Variants in POLA2 observed in about 807,000 individuals in gnomAD.
POLA2 encodes the protein DNA polymerase alpha subunit B.
A neutral mutation model predicts 82.8 loss-of-function variants in POLA2; 47 were observed. The ratio of observed to expected loss-of-function variants is 0.57; its 90% CI spans 0.45 to 0.72. The LOEUF (loss-of-function observed/expected upper bound fraction) is 0.72. POLA2 is among the 30% of genes least tolerant of loss of function. POLA2 has a pLI of 0.00. For synonymous variants in POLA2, 287 were observed against 286.8 expected (o/e 1.00, Z -0.01); for missense variants, 634 against 728.1 (o/e 0.87, Z 1.49).
chr11:65,267,579 C>T lies in POLA2; in HGVS notation c.296+11C>T, dbSNP rs1426797439. 6.5e-7 allele frequency: 1 copy of T among 1,540,944 alleles called. No individual in the cohort carries two copies. Among genetic ancestry groups the T allele is most frequent in the Non-Finnish European group, 8.9e-7 (1 of 1,118,740 alleles). On this transcript the variant is annotated intron_variant, in intron 3 of 17. Coordinates refer to ENST00000265465, the MANE Select transcript of POLA2 (RefSeq NM_002689.4). ...TTCCATTCAAGAGCTGTATCCTTTT[C>T]TGCTGAAGGTCTTTGCACCAAGCTA...
intron 16 of POLA2, 24 bp from the exon 17 acceptor site, chr11:65,295,840 G>A (rs760630605): frequency 6.2e-7 from 1 of 1,600,830 alleles, no homozygotes; most frequent in Admixed American, 1.7e-5. Flanking sequence ...AGCTAGTGCT[G>A]ACAATTTCTC....
rs11227167 is a variant in POLA2 at position 65,268,363 on chromosome 11, T to A, written c.297-309T>A. 5.5e-3 allele frequency among the ~76,000 whole-genome samples: 829 copies of A among 151,588 alleles called. 2 individuals are homozygous for A. Among genetic ancestry groups the A allele is most frequent in the Non-Finnish European group, 9.0e-3 (608 of 67,860 alleles). ...GTTTATTATTATTATTATTATTTTT[T>A]TTTTTTGAGATGGAGTCTCGCTGTG... On this transcript the variant is annotated intron_variant, in intron 3 of 17. Coordinates refer to ENST00000265465, the MANE Select transcript of POLA2 (RefSeq NM_002689.4).
Position 65,287,707 on chromosome 11 carries a change from C to G in POLA2, c.1007-9C>G. The G allele has an allele frequency of 6.2e-7, 1 of 1,610,914 alleles. No individual in the cohort carries two copies. ...CTCTTCTAATCAAGACCTATAACCT[C>G]TGTCTTAGACTTTGAGCAAAGCATG... On this transcript the variant is annotated splice_polypyrimidine_tract_variant and intron_variant, in intron 10 of 17. Transcript: ENST00000265465.
chr11:65,287,456 C>G, intron 10 of POLA2: 1 of 284,640 alleles, frequency 3.5e-6, no homozygotes, highest in Admixed American at 5.1e-5. Context: ...CCACTTTCCT[C>G]GAATCTTTCA....
intron 13 of POLA2, among the ~76,000 whole-genome samples, chr11:65,291,095 CTG>C (rs747498932): frequency 2.6e-5 from 4 of 152,244 alleles, no homozygotes; most frequent in Non-Finnish European, 5.9e-5. Flanking sequence ...ATTCAGAAAT[CTG>C]ACATCCTCCA....
intron 13 of POLA2, 126 bp from the exon 14 acceptor site, chr11:65,294,027 G>A: frequency 1.3e-6 from 1 of 797,352 alleles, no homozygotes; most frequent in South Asian, 1.3e-5. Context: ...ACAGAGTGCA[G>A]TTCTGAGCTG....
intron 1 of POLA2, among the ~76,000 whole-genome samples, chr11:65,262,855 G>A (rs576752264): frequency 6.6e-6 from 1 of 152,118 alleles, no homozygotes; most frequent in Non-Finnish European, 1.5e-5. Context: ...CCTTGAGGTA[G>A]GTTCCTAAAA....
At chr11:65,275,167 T>C (rs632271) in intron 4 of POLA2, among the ~76,000 whole-genome samples, 3,714 of 152,252 alleles carry the variant, frequency 0.024, 112 homozygotes, top group Non-Finnish European at 0.029. Flanking sequence ...CTCTGCAATA[T>C]AACTTCTTAA....
At chr11:65,267,728 T>G (rs1311911793) in intron 3 of POLA2, among the ~76,000 whole-genome samples, 160 bp downstream of exon 3, 1 of 152,064 alleles carries the variant, frequency 6.6e-6, no homozygotes. Context: ...GCAGATCACT[T>G]GAGCCCAGGA....
intron 13 of POLA2, among the ~76,000 whole-genome samples, chr11:65,293,150 T>TA (rs1407160044): frequency 6.6e-6 from 1 of 152,134 alleles, no homozygotes; most frequent in Non-Finnish European, 1.5e-5. Flanking sequence ...TGCTGAGAAA[T>TA]AGAAACTCAG....
chr11:65,297,333 A>G lies in POLA2; in HGVS notation c.*64A>G. 6.7e-7 allele frequency: 1 copy of G among 1,492,942 alleles called. No individual in the cohort carries two copies. 92.5% of individuals were successfully genotyped at this position (1,492,942 alleles called of 1,614,324 possible). Reference sequence around the variant, plus strand: ...TAAAGTCTTAGCCAAGAGCCAAGACATAGCCCTGTGACAAGGTGAACAGTT... The same window carrying G: ...TAAAGTCTTAGCCAAGAGCCAAGACGTAGCCCTGTGACAAGGTGAACAGTT... On this transcript the variant is annotated 3_prime_UTR_variant, in exon 18 of 18. Coordinates refer to ENST00000265465, the MANE Select transcript of POLA2 (RefSeq NM_002689.4).
intron 3 of POLA2, among the ~76,000 whole-genome samples, chr11:65,268,012 C>T (rs1160057502): frequency 6.6e-6 from 1 of 151,888 alleles, no homozygotes; most frequent in Non-Finnish European, 1.5e-5. Flanking sequence ...CAGCTGGTCT[C>T]GAACTCCTGA....
chr11:65,296,452 C>T (rs1949811755), intron 17 of POLA2: 3 of 165,708 alleles, frequency 1.8e-5, no homozygotes, highest in Admixed American at 1.7e-4. Flanking sequence ...AGGAATCTGC[C>T]TAGACCAGTC....
intron 15 of POLA2, among the ~76,000 whole-genome samples, chr11:65,295,125 C>T (rs1949795991): frequency 6.6e-6 from 1 of 152,184 alleles, no homozygotes; most frequent in South Asian, 2.1e-4. Context: ...TCCGTTCTGC[C>T]GTCATCCTTG....
intron 13 of POLA2, among the ~76,000 whole-genome samples, chr11:65,291,173 A>G (rs1376148750): frequency 6.6e-6 from 1 of 151,826 alleles, no homozygotes; most frequent in Admixed American, 6.6e-5. Flanking sequence ...ATCTCCTCAC[A>G]AGATCTGCAT....
chr11:65,280,858 A>ACTT lies in POLA2; in HGVS notation c.745-134_745-133insCTT, dbSNP rs1185536690. The ACTT allele has an allele frequency of 8.6e-6, 7 of 809,718 alleles. No homozygotes were observed. In the African/African-American group the frequency reaches 1.2e-4, roughly 14 times the overall value. The allele number at this position is 809,718 out of a possible 1,614,324, so 50.2% of individuals were successfully genotyped here. A position where few individuals can be genotyped will look rare whatever the true frequency, so the allele number is the denominator to read the frequency against. On this transcript the variant is annotated intron_variant, in intron 7 of 17. Coordinates refer to ENST00000265465, the MANE Select transcript of POLA2 (RefSeq NM_002689.4). ...TCAGTGATGACGCGGTAGTCACCTC[A>ACTT]GGGTCAAAGCAATGCCCTGCCAAGA... is the stretch of plus-strand genomic sequence containing the variant.
rs547221548 is a variant in POLA2 at position 65,282,727 on chromosome 11, C to T, written c.1006+206C>T. Reference sequence around the variant, plus strand: ...CAGTGAGCGTTGGTCGTGCTGTCGCCTGAGTTCTGCCTACATGAAGCATGT... The same window carrying T: ...CAGTGAGCGTTGGTCGTGCTGTCGCTTGAGTTCTGCCTACATGAAGCATGT... On this transcript the variant is annotated intron_variant, in intron 10 of 17. Coordinates refer to ENST00000265465, the MANE Select transcript of POLA2 (RefSeq NM_002689.4). 2.6e-5 allele frequency among the ~76,000 whole-genome samples: 4 copies of T among 152,334 alleles called. No individual in the cohort carries two copies. In the East Asian group the frequency reaches 7.7e-4, roughly 29 times the overall value.
chr11:65,278,594 TTAAACTGATTCAATTTA>T (rs1330809054), intron 5 of POLA2, 119 bp from the exon 6 acceptor site: 1 of 727,852 alleles, frequency 1.4e-6, no homozygotes, highest in Non-Finnish European at 2.3e-6. Flanking sequence ...TCCAACCCCA[TTAAACTGATTCAATTTA>T]TAAACTATGA....
Position 65,281,147 on chromosome 11 carries a change from G to A in POLA2, c.900G>A (p.Gln300=). 6.2e-7 allele frequency: 1 copy of A among 1,613,932 alleles called. No individual in the cohort carries two copies. Among genetic ancestry groups the A allele is most frequent in the Non-Finnish European group, 8.5e-7 (1 of 1,179,856 alleles). ...AGGAATATTCTCTGTTTCCTGGACAGGTGAGATTGGAGGAGTTCCACCAGA... is the reference window on the plus strand; with the variant it reads ...AGGAATATTCTCTGTTTCCTGGACAAGTGAGATTGGAGGAGTTCCACCAGA... ...ELKEYSLFPG[Q]VVIMEGINTT... is the part of the protein sequence containing the mutation. Residue 300 remains glutamine (Q), a splice_region_variant and synonymous_variant, in exon 8 of 18, where the codon CAG becomes CAA. Transcript: ENST00000265465.
Sources: gnomAD v4.1 joint callset for allele counts (sites outside exome capture counted in the v4.1 genomes callset) on GRCh38, gnomAD v4.1.1 for gene constraint, MANE v1.5 for transcripts, NCBI Gene and HGNC (gene_info 2026-07-23, HGNC 2026-07-21) for gene names.